The following STARD13 variants were observed in gnomAD, a reference collection of about 807,000 sequenced individuals.
STARD13 encodes StAR related lipid transfer domain containing 13.
A neutral mutation model predicts 106.4 loss-of-function variants in STARD13; 62 were observed. That is an observed-to-expected ratio of 0.58 (90% CI 0.48 to 0.72). The LOEUF is 0.72. Ranked by LOEUF, STARD13 falls within the 30% of genes least tolerant of loss-of-function variation. The pLI is 0.00. For missense variants in STARD13, 1,387 were observed against 1,424.0 expected, an observed-to-expected ratio of 0.97 and a Z score of 0.42; for synonymous variants, 565 against 553.0, an observed-to-expected ratio of 1.02 and a Z score of -0.31.
chr13:33,639,388 A>G, the STARD13 span, among the ~76,000 whole-genome samples: 1 of 152,242 alleles, frequency 6.6e-6, no homozygotes, highest in East Asian at 1.9e-4. Context: ...TTGCACAAGA[A>G]CAGCCGTGGT....
chr13:33,623,863 C>T, the STARD13 span, among the ~76,000 whole-genome samples: 1 of 152,156 alleles, frequency 6.6e-6, no homozygotes, highest in African/African-American at 2.4e-5. Context: ...AAAAGATGCT[C>T]AACACCATTC....
At chr13:33,583,861 T>TC in the STARD13 span, among the ~76,000 whole-genome samples, 1 of 151,772 alleles carries the variant, frequency 6.6e-6, no homozygotes, top group African/African-American at 2.4e-5. Flanking sequence ...ATAATGTTTT[T>TC]TTTTTCATTC....
the STARD13 span, among the ~76,000 whole-genome samples, chr13:33,373,997 A>G: frequency 6.6e-6 from 1 of 151,034 alleles, no homozygotes; most frequent in Non-Finnish European, 1.5e-5. Flanking sequence ...CATATCCATA[A>G]CTGCATTATG....
the STARD13 span, among the ~76,000 whole-genome samples, chr13:33,528,227 TATATATATATATATAC>T: frequency 9.0e-6 from 1 of 110,970 alleles, no homozygotes; most frequent in South Asian, 2.8e-4. Flanking sequence ...TGTGTGTGTG[TATATATATATATATAC>T]ATATATATAT....
chr13:33,203,797 G>A (rs559408815), intron 1 of STARD13, among the ~76,000 whole-genome samples: 1 of 152,172 alleles, frequency 6.6e-6, no homozygotes, highest in Non-Finnish European at 1.5e-5. Context: ...AACTTTAAAG[G>A]CTAAAGTTTT....
At chr13:33,414,047 A>AAAAAAAGAAAG in the STARD13 span, among the ~76,000 whole-genome samples, 1 of 143,678 alleles carries the variant, frequency 7.0e-6, no homozygotes, top group African/African-American at 2.8e-5. Flanking sequence ...AAAAAAAAAA[A>AAAAAAAGAAAG]AAAGAAAAGA....
the STARD13 span, chr13:33,359,433 C>T: frequency 5.4e-3 from 944 of 173,528 alleles, 2 homozygotes; most frequent in South Asian, 0.024. Flanking sequence ...GACAGACTCC[C>T]GACACGCCAC....
chr13:33,388,688 C>T, the STARD13 span, among the ~76,000 whole-genome samples: 1 of 152,196 alleles, frequency 6.6e-6, no homozygotes, highest in Non-Finnish European at 1.5e-5. Flanking sequence ...CTGACTTGCA[C>T]AAGCCTATGG....
At chr13:33,624,380 C>A in the STARD13 span, among the ~76,000 whole-genome samples, 3 of 152,226 alleles carry the variant, frequency 2.0e-5, no homozygotes, top group African/African-American at 7.2e-5. Context: ...GGCCCCGCTG[C>A]GGGCAGAGTG....
At chr13:33,489,183 C>T in the STARD13 span, among the ~76,000 whole-genome samples, 2,286 of 152,226 alleles carry the variant, frequency 0.015, 51 homozygotes, top group African/African-American at 0.049. Flanking sequence ...AGTTTTCTTC[C>T]TCTGGTCAAT....
At chr13:33,412,569 T>C in the STARD13 span, among the ~76,000 whole-genome samples, 4 of 152,086 alleles carry the variant, frequency 2.6e-5, no homozygotes, top group South Asian at 8.3e-4. Context: ...CTTTATGCTG[T>C]CTATGAGGAA....
the STARD13 span, among the ~76,000 whole-genome samples, chr13:33,502,084 T>C: frequency 1.3e-5 from 2 of 152,208 alleles, no homozygotes; most frequent in African/African-American, 4.8e-5. Flanking sequence ...TAGTTCTCCG[T>C]GAAGAGGTCC....
the STARD13 span, among the ~76,000 whole-genome samples, chr13:33,476,612 CT>C: frequency 1.3e-5 from 2 of 152,242 alleles, no homozygotes; most frequent in Admixed American, 1.3e-4. Context: ...GGCATAGGAC[CT>C]CTGTTTTTGA....
At position 33,142,351 on chromosome 13, in the gene STARD13, A is replaced by C; in HGVS notation, c.346T>G (p.Cys116Gly). ...TTCACATCAAGTTTCATTGAGGCAC[A>C]CTTGTTCAACGTATTTAGTCGTCTA... ...LCRRLNTLNK[C>G]ASMKLDVNFQ... The change falls in exon 4 of 14, where the codon TGT becomes GGT. Residue 116 changes from cysteine (C) to glycine (G), a missense_variant. Coordinates refer to ENST00000336934, the MANE Select transcript of STARD13 (RefSeq NM_178006.4). 1.2e-6 allele frequency: 2 copies of C among 1,614,102 alleles called. No individual in the cohort carries two copies. The highest frequency in any genetic ancestry group is 1.7e-6 in the Non-Finnish European group (2 of 1,179,998).
At chr13:33,519,394 T>A in the STARD13 span, among the ~76,000 whole-genome samples, 1 of 151,182 alleles carries the variant, frequency 6.6e-6, no homozygotes, top group Non-Finnish European at 1.5e-5. Flanking sequence ...ATCACCATGT[T>A]GGTCAGGCTG....
chr13:33,300,562 C>T (rs1892671986), intron 1 of STARD13, among the ~76,000 whole-genome samples: 1 of 152,068 alleles, frequency 6.6e-6, no homozygotes, highest in African/African-American at 2.4e-5. Context: ...TTCATTGATT[C>T]CTTGAGTGAA....
At chr13:33,459,677 G>A in the STARD13 span, among the ~76,000 whole-genome samples, 6 of 152,268 alleles carry the variant, frequency 3.9e-5, no homozygotes, top group East Asian at 1.9e-4. Flanking sequence ...GTGCAGATTC[G>A]TGCTTCCATA....
chr13:33,537,093 C>T, the STARD13 span, among the ~76,000 whole-genome samples: 7 of 152,094 alleles, frequency 4.6e-5, no homozygotes, highest in African/African-American at 1.5e-4. Flanking sequence ...GCAAATACCA[C>T]GACTTGAGCA....
chr13:33,499,647 T>C, the STARD13 span, among the ~76,000 whole-genome samples: 1 of 128,940 alleles, frequency 7.8e-6, no homozygotes, highest in Admixed American at 7.8e-5. Flanking sequence ...CTTCTTCTTC[T>C]CCTTCTTCTT....
Sources: gnomAD v4.1 joint callset for allele counts (sites outside exome capture counted in the v4.1 genomes callset) on GRCh38, gnomAD v4.1.1 for gene constraint, MANE v1.5 for transcripts, NCBI Gene and HGNC (gene_info 2026-07-23, HGNC 2026-07-21) for gene names.